The following MEGF10 variants were observed in gnomAD, a reference collection of about 807,000 sequenced individuals.
MEGF10 encodes the protein multiple epidermal growth factor-like domains protein 10.
In MEGF10, 86 loss-of-function variants were observed where a neutral mutation model predicts 147.5. The observed-to-expected ratio is 0.58, with a 90% CI of 0.49 to 0.70. The LOEUF is 0.70. Among genes scored for constraint, MEGF10 ranks in the 30% least tolerant of loss-of-function variants. The pLI is 0.00. For missense variants in MEGF10, 1,329 were observed against 1,487.3 expected, an observed-to-expected ratio of 0.89 and a Z score of 1.75; for synonymous variants, 478 against 525.5, an observed-to-expected ratio of 0.91 and a Z score of 1.24.
chr5:127,454,769 C>T (rs1025232615), intron 23 of MEGF10, among the ~76,000 whole-genome samples, 159 bp downstream of exon 23: 2 of 152,140 alleles, frequency 1.3e-5, no homozygotes, highest in African/African-American at 4.8e-5. Flanking sequence ...GTGTGACTGA[C>T]ATCAAGAAAG....
rs76978821 is a variant in MEGF10, at chr5:127,416,893, C to A, written c.1131-745C>A. Among the ~76,000 whole-genome samples the A allele has an allele frequency of 2.3e-3, 351 of 152,290 alleles. 3 individuals carry two copies. Among genetic ancestry groups the A allele is most frequent in the Middle Eastern group, 0.01 (3 of 294 alleles). On this transcript the variant is annotated intron_variant, in intron 9 of 24. Transcript: ENST00000503335. ...AGTCCTCTGATGGGAGGTCACTTAG[C>A]AAATGTATGGATATGACACAGGTGT... is the stretch of plus-strand genomic sequence containing the variant.
intron 4 of MEGF10, among the ~76,000 whole-genome samples, chr5:127,348,666 C>T (rs1305528801): frequency 1.3e-5 from 2 of 152,086 alleles, no homozygotes; most frequent in Admixed American, 6.6e-5. Flanking sequence ...AATCCAAAAA[C>T]ATAGTTGCTT....
At chr5:127,366,139 A>G (rs1160099718) in intron 4 of MEGF10, among the ~76,000 whole-genome samples, 2 of 151,484 alleles carry the variant, frequency 1.3e-5, no homozygotes, top group East Asian at 3.9e-4. Flanking sequence ...GTAGTAATTG[A>G]GCTCAGCTAA....
chr5:127,311,119 GT>G (rs1289138430), intron 1 of MEGF10, among the ~76,000 whole-genome samples: 1 of 152,076 alleles, frequency 6.6e-6, no homozygotes, highest in Non-Finnish European at 1.5e-5. Context: ...TTAAGTGTTG[GT>G]AAAATGCTTC....
chr5:127,441,721 G>T (rs1015617979), intron 18 of MEGF10, among the ~76,000 whole-genome samples: 1 of 152,130 alleles, frequency 6.6e-6, no homozygotes, highest in Non-Finnish European at 1.5e-5. Context: ...CTCTTGGGAA[G>T]GATCTGCCAA....
intron 6 of MEGF10, 25 bp from the exon 7 acceptor site, chr5:127,398,651 C>G (rs769856560): frequency 6.2e-7 from 1 of 1,613,864 alleles, no homozygotes; most frequent in South Asian, 1.1e-5. Context: ...ATAACAGTGT[C>G]CTTTGTCACA....
intron 5 of MEGF10, among the ~76,000 whole-genome samples, chr5:127,381,519 T>C (rs1469076626): frequency 6.6e-6 from 1 of 152,240 alleles, no homozygotes; most frequent in East Asian, 1.9e-4. Flanking sequence ...GTAGACCTGC[T>C]TGTTTCCCTC....
chr5:127,343,364 C>T (rs1761756001), intron 4 of MEGF10, among the ~76,000 whole-genome samples: 1 of 151,978 alleles, frequency 6.6e-6, no homozygotes, highest in Admixed American at 6.6e-5. Context: ...CCCCTCCCTC[C>T]CCACCTCTGT....
chr5:127,313,149 C>T (rs553551120), intron 1 of MEGF10, among the ~76,000 whole-genome samples: 2 of 152,308 alleles, frequency 1.3e-5, no homozygotes, highest in African/African-American at 4.8e-5. Context: ...GGCTGGTTCT[C>T]TGTGACCCTG....
intron 4 of MEGF10, among the ~76,000 whole-genome samples, chr5:127,365,020 C>A (rs555775110): frequency 1.1e-4 from 17 of 152,236 alleles, no homozygotes; most frequent in African/African-American, 3.6e-4. Flanking sequence ...AGTAAAGGCA[C>A]CTTTAACTCT....
intron 1 of MEGF10, among the ~76,000 whole-genome samples, chr5:127,295,270 A>G (rs1212809268): frequency 1.3e-5 from 2 of 152,234 alleles, no homozygotes; most frequent in Non-Finnish European, 2.9e-5. Context: ...ATTTAGACAC[A>G]GCATTCAGTG....
intron 1 of MEGF10, among the ~76,000 whole-genome samples, chr5:127,306,805 T>C (rs1230051743): frequency 3.9e-5 from 6 of 152,224 alleles, no homozygotes; most frequent in Non-Finnish European, 8.8e-5. Flanking sequence ...TTTCGCTTCA[T>C]TGACTCAGTT....
intron 17 of MEGF10, 86 bp downstream of exon 17, chr5:127,438,653 T>C: frequency 6.9e-7 from 1 of 1,445,932 alleles, no homozygotes; most frequent in Non-Finnish European, 9.4e-7. Flanking sequence ...TGACTGGAGC[T>C]CAACAAAGGT....
chr5:127,282,898 G>A, the MEGF10 span, among the ~76,000 whole-genome samples: 1 of 152,218 alleles, frequency 6.6e-6, no homozygotes, highest in African/African-American at 2.4e-5. Context: ...ATCATGTGAA[G>A]ACTAAGGAAA....
At chr5:127,240,524 A>G in the MEGF10 span, among the ~76,000 whole-genome samples, 1 of 152,176 alleles carries the variant, frequency 6.6e-6, no homozygotes, top group African/African-American at 2.4e-5. Context: ...CTTTGTACTT[A>G]TCTTCAAAAG....
chr5:127,375,811 T>G (rs1007608975), intron 5 of MEGF10, among the ~76,000 whole-genome samples: 13 of 152,242 alleles, frequency 8.5e-5, no homozygotes, highest in African/African-American at 2.9e-4. Context: ...ACAGTAAAAC[T>G]TCCATTTAAT....
chr5:127,324,162 GGAA>G (rs1431892203), intron 1 of MEGF10, among the ~76,000 whole-genome samples: 1 of 150,618 alleles, frequency 6.6e-6, no homozygotes, highest in Non-Finnish European at 1.5e-5. Context: ...GAAAAAAAGA[GGAA>G]AAAAAGAGTG....
At chr5:127,261,141 A>G in the MEGF10 span, among the ~76,000 whole-genome samples, 1 of 152,192 alleles carries the variant, frequency 6.6e-6, no homozygotes, top group Admixed American at 6.5e-5. Flanking sequence ...ATATAATGCA[A>G]TGCCTTTAGT....
intron 13 of MEGF10, among the ~76,000 whole-genome samples, chr5:127,428,741 G>A (rs1288916133): frequency 6.6e-6 from 1 of 152,086 alleles, no homozygotes; most frequent in African/African-American, 2.4e-5. Flanking sequence ...TTGGAATACT[G>A]GCATAAGGAA....
Sources: allele counts gnomAD v4.1 joint callset (sites outside exome capture counted in the v4.1 genomes callset), GRCh38; gene constraint gnomAD v4.1.1; transcripts MANE v1.5; gene names NCBI Gene and HGNC (gene_info 2026-07-23, HGNC 2026-07-21).